The following OSBPL9 variants were observed in gnomAD, a reference collection of about 807,000 sequenced individuals.
OSBPL9 encodes oxysterol-binding protein-related protein 9.
Under a neutral mutation model 106.6 loss-of-function variants are expected in OSBPL9, and 40 were observed. The observed-to-expected ratio is 0.38, with a 90% CI of 0.29 to 0.49. OSBPL9 has a LOEUF of 0.49. Among genes scored for constraint, OSBPL9 ranks in the 20% least tolerant of loss-of-function variants. The pLI is 0.97. For synonymous variants in OSBPL9, 269 were observed against 295.4 expected (o/e 0.91, Z 0.92); for missense variants, 609 against 887.2 (o/e 0.69, Z 3.98).
intron 4 of OSBPL9, among the ~76,000 whole-genome samples, chr1:51,728,732 T>TC (rs1055204104): frequency 5.3e-5 from 8 of 152,262 alleles, no homozygotes; most frequent in African/African-American, 1.9e-4. Flanking sequence ...GGTCTTCAAC[T>TC]CCTGGCCTCG....
At chr1:51,725,491 A>AT (rs1230841287) in intron 4 of OSBPL9, among the ~76,000 whole-genome samples, 1 of 151,882 alleles carries the variant, frequency 6.6e-6, no homozygotes, top group Admixed American at 6.6e-5. Context: ...ATGTCTTATA[A>AT]TTTTTTCTTG....
upstream of OSBPL9, among the ~76,000 whole-genome samples, chr1:51,612,414 C>G (rs952438144): frequency 2.0e-5 from 3 of 152,170 alleles, no homozygotes; most frequent in Non-Finnish European, 2.9e-5. Context: ...TTGACTCTAC[C>G]TTTCAGTTCT....
At chr1:51,519,837 C>T in the OSBPL9 span, among the ~76,000 whole-genome samples, 12 of 152,276 alleles carry the variant, frequency 7.9e-5, no homozygotes, top group South Asian at 2.5e-3. Context: ...TAACCATCTG[C>T]TAGTATATTG....
intron 9 of OSBPL9, among the ~76,000 whole-genome samples, chr1:51,758,383 G>A (rs373160794): frequency 3.1e-4 from 46 of 149,744 alleles, no homozygotes; most frequent in East Asian, 7.9e-4. Context: ...GAGCATTTCC[G>A]TATTACACTG....
intron 3 of OSBPL9, among the ~76,000 whole-genome samples, chr1:51,686,894 T>C (rs1172467525): frequency 6.6e-6 from 1 of 152,230 alleles, no homozygotes; most frequent in Non-Finnish European, 1.5e-5. Flanking sequence ...TTTTCTCATA[T>C]TTACTCCTTC....
rs140474731 is a variant in OSBPL9, at chr1:51,728,129, T to G, written c.318+14050T>G. Among the ~76,000 whole-genome samples, 359 of 152,248 alleles carry G rather than the reference T, an allele frequency of 2.4e-3. 1 individual carries two copies. The highest frequency in any genetic ancestry group is 8.3e-3 in the African/African-American group (344 of 41,534). ...AAAGCAGAAAATAGGTACTACAAGG[T>G]AAAAGATGGAGCTAAGCGGTAGGTA... On this transcript the variant is annotated intron_variant, in intron 4 of 23. Transcript: ENST00000428468.
chr1:51,784,281 G>T lies in OSBPL9; in HGVS notation c.1642G>T (p.Asp548Tyr). Residue 548 changes from aspartate to tyrosine, a missense_variant, in exon 19 of 24, where the codon GAC becomes TAC. Around this residue, in one of 5 missense-constraint regions of OSBPL9, gnomAD observed 356 missense variants for 505.8 expected, o/e 0.70. Transcript: ENST00000428468. ...NIGQGCVSCL[D>Y]YDEHYILTFP... ...CTCCACAGGCTGTGTCTCATGTCTA[G>T]ACTATGATGAACATTACATTCTCAC... is the stretch of plus-strand genomic sequence containing the variant. 1 of 1,613,970 alleles carries T rather than the reference G, an allele frequency of 6.2e-7. No individual in the cohort carries two copies. The highest frequency in any genetic ancestry group is 1.1e-5 in the South Asian group (1 of 91,074).
Position 51,729,878 on chromosome 1 carries a change from A to ACC in OSBPL9, c.319-15658_319-15657insCC, listed in dbSNP as rs1663941168. 1 of 1,256,440 alleles carries ACC rather than the reference A, an allele frequency of 8.0e-7. No homozygotes were observed. The allele number at this position is 1,256,440 out of a possible 1,614,324, so 77.8% of individuals were successfully genotyped here. ...CCTCAGTCAGGACCGCCTGCACCGC[A>ACC]GTCCGGGGATCGGGTCGAGGGGAGA... is the stretch of plus-strand genomic sequence containing the variant. On this transcript the variant is annotated intron_variant, in intron 4 of 23. Transcript: ENST00000428468. This position sits in a 1 kb window ranked among gnomAD's most constrained non-coding sequence, Gnocchi z 5.1.
the OSBPL9 span, among the ~76,000 whole-genome samples, chr1:51,521,319 G>T: frequency 6.6e-6 from 1 of 152,248 alleles, no homozygotes; most frequent in Middle Eastern, 3.4e-3. Context: ...GGAGCAAATC[G>T]CTTTGGGGAG....
At chr1:51,648,424 A>T (rs956730534) in intron 1 of OSBPL9, among the ~76,000 whole-genome samples, 14 of 152,192 alleles carry the variant, frequency 9.2e-5, no homozygotes, top group African/African-American at 3.4e-4. Context: ...AAGAGCAGAT[A>T]GGAGGGAGCT....
chr1:51,715,001 A>G (rs1571277622), intron 4 of OSBPL9, among the ~76,000 whole-genome samples: 1 of 152,328 alleles, frequency 6.6e-6, no homozygotes, highest in South Asian at 2.1e-4. Context: ...ATATTTTTCT[A>G]TGTTTATTCT....
At chr1:51,709,512 A>G (rs1233731177) in intron 3 of OSBPL9, 1 of 152,592 alleles carries the variant, frequency 6.6e-6, no homozygotes, top group Non-Finnish European at 1.5e-5. Flanking sequence ...GAAATTGGGC[A>G]TATAGTGGGA....
intron 1 of OSBPL9, among the ~76,000 whole-genome samples, chr1:51,633,565 C>T (rs548844309): frequency 2.7e-5 from 4 of 150,664 alleles, no homozygotes; most frequent in Admixed American, 6.6e-5. Context: ...CACTCCAGCC[C>T]GGGCAACAGA....
At chr1:51,565,962 C>A in the OSBPL9 span, 1 of 152,290 alleles carries the variant, frequency 6.6e-6, no homozygotes, top group African/African-American at 2.4e-5. Flanking sequence ...GTACAGCTTT[C>A]CAGAATAATA....
At chr1:51,702,289 C>T (rs1200683921) in intron 3 of OSBPL9, among the ~76,000 whole-genome samples, 1 of 152,190 alleles carries the variant, frequency 6.6e-6, no homozygotes, top group East Asian at 1.9e-4. Context: ...TTCTATTTCT[C>T]CACATCCTCT....
intron 11 of OSBPL9, among the ~76,000 whole-genome samples, chr1:51,762,327 G>A (rs1054655048): frequency 3.3e-5 from 5 of 151,928 alleles, no homozygotes; most frequent in African/African-American, 9.7e-5. Context: ...CACCACACTT[G>A]GCTGATTTTT....
At chr1:51,750,025 T>A in intron 7 of OSBPL9, 120 bp from the exon 8 acceptor site, 1 of 541,098 alleles carries the variant, frequency 1.8e-6, no homozygotes. Flanking sequence ...AAGAGGATAT[T>A]TCTTGTGTAG....
chr1:51,701,066 A>G (rs1331856159), intron 3 of OSBPL9, among the ~76,000 whole-genome samples: 5 of 151,950 alleles, frequency 3.3e-5, no homozygotes, highest in African/African-American at 1.2e-4. Context: ...CAGCCTCCCA[A>G]GTAGCTGAGA....
chr1:51,519,288 G>A, the OSBPL9 span: 2 of 1,015,798 alleles, frequency 2.0e-6, no homozygotes, highest in African/African-American at 1.7e-5. Context: ...GGCTCGGGGC[G>A]GGGAGGAGGC....
Sources: allele counts gnomAD v4.1 joint callset (sites outside exome capture counted in the v4.1 genomes callset), GRCh38; gene constraint gnomAD v4.1.1; regional missense constraint gnomAD v4.1.1; non-coding constraint Gnocchi (gnomAD v3.1); transcripts MANE v1.5; gene names NCBI Gene and HGNC (gene_info 2026-07-23, HGNC 2026-07-21).